C16orf96: variants seen among roughly 807,000 people sequenced by gnomAD.
The protein encoded by C16orf96 is chromosome 16 open reading frame 96.
Under a neutral mutation model 103.6 loss-of-function variants are expected in C16orf96, and 108 were observed. That is an observed-to-expected ratio of 1.04 (90% CI 0.89 to 1.22). The LOEUF (loss-of-function observed/expected upper bound fraction) is 1.22, where lower values mean the gene tolerates loss of function less well. Ranked by LOEUF, C16orf96 falls within the 50% of genes most tolerant of loss-of-function variation. C16orf96 has a pLI of 0.00. For missense variants in C16orf96, 1,586 were observed against 1,464.2 expected, an observed-to-expected ratio of 1.08 and a Z score of -1.36; for synonymous variants, 566 against 593.5, an observed-to-expected ratio of 0.95 and a Z score of 0.67.
intron 1 of C16orf96, among the ~76,000 whole-genome samples, chr16:4,568,724 G>A (rs1038124274): frequency 6.6e-6 from 1 of 150,940 alleles, no homozygotes; most frequent in Admixed American, 6.6e-5. Flanking sequence ...AACCTCCTGG[G>A]CTAGGAAGAT....
chr16:4,566,568 A>G (rs1214963863), intron 1 of C16orf96, among the ~76,000 whole-genome samples: 1 of 152,196 alleles, frequency 6.6e-6, no homozygotes, highest in Non-Finnish European at 1.5e-5. Context: ...TATATTCTGC[A>G]TATACTGGGT....
chr16:4,562,075 C>T (rs1460877679), intron 1 of C16orf96, among the ~76,000 whole-genome samples: 1 of 152,130 alleles, frequency 6.6e-6, no homozygotes, highest in Non-Finnish European at 1.5e-5. Context: ...GAATGAGATG[C>T]ATCGCCACTG....
At chr16:4,595,990 C>G (rs527824460) in intron 14 of C16orf96, among the ~76,000 whole-genome samples, 1 of 152,124 alleles carries the variant, frequency 6.6e-6, no homozygotes, top group South Asian at 2.1e-4. Flanking sequence ...CCTGGCCCAC[C>G]GGCAGAAATT....
intron 14 of C16orf96, among the ~76,000 whole-genome samples, chr16:4,597,545 G>A (rs983156712): frequency 1.3e-5 from 2 of 151,776 alleles, no homozygotes; most frequent in East Asian, 1.9e-4. Context: ...TCATGATGGC[G>A]TCAACTGCTT....
intron 1 of C16orf96, among the ~76,000 whole-genome samples, chr16:4,570,003 T>C (rs2059420298): frequency 6.6e-6 from 1 of 152,186 alleles, no homozygotes; most frequent in Non-Finnish European, 1.5e-5. Context: ...ACCCCTGCCC[T>C]TGCTGGCTGT....
At chr16:4,575,092 G>C (rs1056279790) in intron 4 of C16orf96, 34 bp downstream of exon 4, 1 of 1,550,598 alleles carries the variant, frequency 6.4e-7, no homozygotes. Flanking sequence ...TTAGCAGGAA[G>C]CTGGGGAGCA....
the C16orf96 span, among the ~76,000 whole-genome samples, chr16:4,542,630 C>G: frequency 6.6e-6 from 1 of 151,930 alleles, no homozygotes; most frequent in African/African-American, 2.4e-5. Context: ...AACCCCGTCT[C>G]TACTAAAAAT....
chr16:4,585,759 C>A lies in C16orf96; in HGVS notation c.2353-1280C>A, dbSNP rs530586264. 2.6e-5 allele frequency among the ~76,000 whole-genome samples: 4 copies of A among 152,338 alleles called. No individual in the cohort carries two copies. The South Asian group carries it at 8.3e-4, about 32-fold the overall frequency. On this transcript the variant is annotated intron_variant, in intron 7 of 15. Coordinates refer to ENST00000444310, the MANE Select transcript of C16orf96 (RefSeq NM_001145011.2). ...AGAGGGGCCTCCTCGCCTCTCCCAGCTTCTGGTGGTTCAAGGTGTCCCTTG... is the reference window on the plus strand; with the variant it reads ...AGAGGGGCCTCCTCGCCTCTCCCAGATTCTGGTGGTTCAAGGTGTCCCTTG...
chr16:4,599,659 C>T (rs1228972997), intron 15 of C16orf96, among the ~76,000 whole-genome samples: 1 of 152,232 alleles, frequency 6.6e-6, no homozygotes, highest in Non-Finnish European at 1.5e-5. Context: ...GTAGCAGGCA[C>T]CTGAGGGTAC....
At chr16:4,543,236 C>T in the C16orf96 span, among the ~76,000 whole-genome samples, 1 of 152,118 alleles carries the variant, frequency 6.6e-6, no homozygotes, top group African/African-American at 2.4e-5. Context: ...GGGTAGGGTA[C>T]TCCAAGTAGT....
chr16:4,585,312 A>AAT (rs60726283), intron 7 of C16orf96, among the ~76,000 whole-genome samples: 4 of 109,954 alleles, frequency 3.6e-5, no homozygotes, highest in Non-Finnish European at 5.4e-5. Flanking sequence ...AAAAAAAAAA[A>AAT]TCCAGGTAGG....
chr16:4,574,857 C>T, intron 3 of C16orf96, 68 bp downstream of exon 3: 1 of 1,529,630 alleles, frequency 6.5e-7, no homozygotes, highest in Non-Finnish European at 8.9e-7. Context: ...GTCCTGGGTG[C>T]TGAGGGTAGG....
At position 4,593,271 on chromosome 16, in the gene C16orf96, C is replaced by T. The variant is rs1329242508; in HGVS notation, c.2822C>T (p.Pro941Leu). The change falls in exon 12 of 16, where the codon CCA becomes CTA. Residue 941 changes from proline (P) to leucine (L), a missense_variant. Physicochemically the swap from Pro to Leu is moderately conservative, Grantham distance 98 (BLOSUM62 -3). Transcript: ENST00000444310. The surrounding 1 kb of genome is among the most constrained non-coding windows in gnomAD (Gnocchi z 4.2). ...RKAHLLSRLR[P>L]ASANSCEYLQ... ...GCCCACCTGCTGTCCCGGCTGCGGC[C>T]AGCCAGCGCCAACAGCTGCGAGTAC... is the stretch of plus-strand genomic sequence containing the variant. The T allele has an allele frequency of 6.4e-7, 1 of 1,551,110 alleles. No individual in the cohort carries two copies. The highest frequency in any genetic ancestry group is 1.7e-4 in the Middle Eastern group (1 of 5,988).
At chr16:4,550,161 T>G in the C16orf96 span, among the ~76,000 whole-genome samples, 1 of 151,550 alleles carries the variant, frequency 6.6e-6, no homozygotes, top group Middle Eastern at 3.2e-3. Context: ...CTCAGCTCAC[T>G]GCAACCTCTG....
chr16:4,561,383 T>C (rs1385778172), intron 1 of C16orf96: 5 of 152,126 alleles, frequency 3.3e-5, no homozygotes, highest in Non-Finnish European at 7.3e-5. Context: ...TCAGACAAGA[T>C]AGACTTCAAG....
At chr16:4,547,242 C>G in the C16orf96 span, among the ~76,000 whole-genome samples, 1 of 152,230 alleles carries the variant, frequency 6.6e-6, no homozygotes, top group African/African-American at 2.4e-5. Context: ...TCAAGCGATT[C>G]TCCTGCCTCA....
Position 4,600,434 on chromosome 16 carries a change from C to T in C16orf96, c.*117C>T. 3 of 656,214 alleles carry T rather than the reference C, an allele frequency of 4.6e-6. No individual in the cohort carries two copies. Among genetic ancestry groups the T allele is most frequent in the South Asian group, 3.7e-5 (2 of 54,512 alleles). The allele number at this position is 656,214 out of a possible 1,614,324, so 40.6% of individuals were successfully genotyped here. On this transcript the variant is annotated 3_prime_UTR_variant, in exon 16 of 16. Transcript: ENST00000444310. ...ACATCGGAGGCTGAGGCCTATGTGG[C>T]CCCCCACCCCCACCCCCACCAAGTC...
intron 5 of C16orf96, 85 bp downstream of exon 5, chr16:4,576,720 G>C (rs2059514997): frequency 3.8e-6 from 5 of 1,315,158 alleles, no homozygotes; most frequent in Non-Finnish European, 5.1e-6. Context: ...TCCTTCACTG[G>C]GCTCCACCAA....
In C16orf96 at chr16:4,575,948, A is replaced by G. The variant is rs1268701679; in HGVS notation, c.1468A>G (p.Lys490Glu). ...TAGAACTCGCAAGGATGGGGTCCCC[A>G]AAGATAGAGGTGGCAAGGATGTGGA... ...KDRTRKDGVP[K>E]DRGGKDVDPK... Residue 490 changes from lysine (K) to glutamate (E), a missense_variant, in exon 5 of 16, where the codon AAA (lysine) becomes GAA (glutamate). By Grantham distance (56) the Lys-to-Glu change is moderately conservative (BLOSUM62 1). Coordinates refer to ENST00000444310, the MANE Select transcript of C16orf96 (RefSeq NM_001145011.2). 1.3e-6 allele frequency: 2 copies of G among 1,550,112 alleles called. No individual in the cohort carries two copies.
Sources: gnomAD v4.1 joint callset for allele counts (sites outside exome capture counted in the v4.1 genomes callset) on GRCh38, gnomAD v4.1.1 for gene constraint, Gnocchi (gnomAD v3.1) non-coding constraint, MANE v1.5 for transcripts, NCBI Gene and HGNC (gene_info 2026-07-23, HGNC 2026-07-21) for gene names.